The following SERPINF2 variants were observed in gnomAD, a reference collection of about 807,000 sequenced individuals.
The protein encoded by SERPINF2 is alpha-2-antiplasmin.
In SERPINF2, 15 loss-of-function variants were observed where a neutral mutation model predicts 45.0. That is an observed-to-expected ratio of 0.33 (90% confidence interval 0.22 to 0.51). SERPINF2 has a LOEUF of 0.51. SERPINF2 is among the 20% of genes least tolerant of loss of function. SERPINF2 has a pLI of 0.97. For missense variants in SERPINF2, 518 were observed against 637.4 expected (o/e 0.81, Z 2.02); for synonymous variants, 283 against 277.9 (o/e 1.02, Z -0.18).
chr17:1,745,108 G>A lies in SERPINF2; in HGVS notation c.63+50G>A. ...GGGGTGGGGTGGAGGGGGAAGAAGA[G>A]GGGCGTTGGCATGGAGGGAGGGCTT... On this transcript the variant is annotated intron_variant, in intron 2 of 9. Coordinates refer to ENST00000453066, the MANE Select transcript of SERPINF2 (RefSeq NM_000934.4). The surrounding 1 kb of genome is among the most constrained non-coding windows in gnomAD (Gnocchi z 6.2). 6.2e-7 allele frequency: 1 copy of A among 1,607,026 alleles called. No individual in the cohort carries two copies. Among genetic ancestry groups the A allele is most frequent in the Non-Finnish European group, 8.5e-7 (1 of 1,177,728 alleles).
At chr17:1,746,017 T>C (rs904640687) in intron 5 of SERPINF2, 108 bp downstream of exon 5, 66 of 1,240,838 alleles carry the variant, frequency 5.3e-5, no homozygotes, top group Non-Finnish European at 7.0e-5. Flanking sequence ...ACGTGGCTGT[T>C]TGGTAAAAAT....
chr17:1,744,709 A>G (rs1354942159), intron 1 of SERPINF2: 1 of 985,256 alleles, frequency 1.0e-6, no homozygotes, highest in Non-Finnish European at 1.2e-6. Flanking sequence ...AACGTTTTTG[A>G]TTTGGTATCT....
Position 1,747,161 on chromosome 17 carries a change from A to C in SERPINF2, c.510A>C (p.Lys170Asn). The change falls in exon 6 of 10, where the codon AAA (lysine) becomes AAC (asparagine). Residue 170 changes from lysine to asparagine, a missense_variant and splice_region_variant. Around this residue, in one of 2 missense-constraint regions of SERPINF2, gnomAD observed 435 missense variants for 577.3 expected, o/e 0.75. Transcript: ENST00000453066. ...TGGCTGCCAGGATGTACCTGCAGAA[A>C]GGTAGGCGCTGATGGCAGGGAGCTC... The part of the protein sequence containing the change: ...FRLAARMYLQ[K>N]GFPIKEDFLE... 1 of 1,612,252 alleles carries C rather than the reference A, an allele frequency of 6.2e-7. No homozygotes were observed. The highest frequency in any genetic ancestry group is 8.5e-7 in the Non-Finnish European group (1 of 1,179,970).
In SERPINF2 at chr17:1,754,627, G is replaced by T; in HGVS notation, c.*93G>T. On this transcript the variant is annotated 3_prime_UTR_variant, in exon 10 of 10. Transcript: ENST00000453066. The stretch of plus-strand genomic sequence containing the variant: ...ACCGGCTTTGTGGCACTGGGGCAGG[G>T]GCCGGGGGCAGTCTGAGAGAGGCCA... 6.7e-7 allele frequency: 1 copy of T among 1,490,856 alleles called. No individual in the cohort carries two copies. Among genetic ancestry groups the T allele is most frequent in the East Asian group, 2.3e-5 (1 of 44,004 alleles). 92.4% of individuals were successfully genotyped at this position (1,490,856 alleles called of 1,614,324 possible). A position where few individuals can be genotyped will look rare whatever the true frequency, so the allele number is the denominator to read the frequency against.
intron 8 of SERPINF2, among the ~76,000 whole-genome samples, chr17:1,752,052 G>GTT (rs141617641): frequency 7.3e-6 from 1 of 136,944 alleles, no homozygotes; most frequent in Admixed American, 7.3e-5. Context: ...CTACAATGTT[G>GTT]TTTTTTTTCT....
chr17:1,751,322 G>T (rs560434851), intron 8 of SERPINF2, among the ~76,000 whole-genome samples: 6 of 152,052 alleles, frequency 3.9e-5, no homozygotes, highest in African/African-American at 1.4e-4. Flanking sequence ...GATGGTGAGC[G>T]CCTGTAGTCC....
chr17:1,745,045 G>A lies in SERPINF2; in HGVS notation c.50G>A (p.Gly17Asp). Reference sequence around the variant, plus strand: ...GTGCTCAGCTGGTCCTGCCTGCAAGGCCCCTGCTCCGTGGTGAGGCTGGGC... The same window carrying A: ...GTGCTCAGCTGGTCCTGCCTGCAAGACCCCTGCTCCGTGGTGAGGCTGGGC... The part of the protein sequence containing the change: ...LLVLSWSCLQ[G>D]PCSVFSPVSA... Residue 17 changes from glycine to aspartate, a missense_variant, in exon 2 of 10, where the codon GGC (glycine) becomes GAC (aspartate). By Grantham distance (94) the Gly-to-Asp change is moderately conservative. This residue lies in a region of SERPINF2 where 435 missense variants were observed against 577.3 expected (regional missense o/e 0.75). Coordinates refer to ENST00000453066, the MANE Select transcript of SERPINF2 (RefSeq NM_000934.4). The surrounding 1 kb of genome is among the most constrained non-coding windows in gnomAD (Gnocchi z 6.2). 1 of 1,613,474 alleles carries A rather than the reference G, an allele frequency of 6.2e-7. No homozygotes were observed. Among genetic ancestry groups the A allele is most frequent in the Non-Finnish European group, 8.5e-7 (1 of 1,179,990 alleles).
rs1351261936 is a variant in SERPINF2, at chr17:1,754,327, C to A, written c.1269C>A (p.Thr423=). ...RPFLFFIFED[T]TGLPLFVGSV... ...TCCTCTTCTTCATCTTCGAGGACAC[C>A]ACAGGCCTTCCCCTCTTCGTGGGCA... is the stretch of plus-strand genomic sequence containing the variant. Residue 423 remains threonine, a synonymous_variant, in exon 10 of 10, where the codon ACC becomes ACA. Coordinates refer to ENST00000453066, the MANE Select transcript of SERPINF2 (RefSeq NM_000934.4). 6.2e-7 allele frequency: 1 copy of A among 1,614,074 alleles called. No individual in the cohort carries two copies. The highest frequency in any genetic ancestry group is 8.5e-7 in the Non-Finnish European group (1 of 1,180,038).
rs1312210715 is a variant in SERPINF2 at position 1,747,024 on chromosome 17, C to T, written c.373C>T (p.Gln125Ter). ...LALSHLALGAQNHTLQRLQQV... is the reference protein window; with the variant it reads ...LALSHLALGA ...GCCTGTGCGGTGCCCTCCAGGTGCT[C>T]AGAACCACACGTTGCAGAGGCTGCA... is the stretch of plus-strand genomic sequence containing the variant. Residue 125 changes from glutamine (Q) to a stop codon, truncating the protein, a stop_gained, in exon 6 of 10, where the codon CAG becomes TAG. Coordinates refer to ENST00000453066, the MANE Select transcript of SERPINF2 (RefSeq NM_000934.4). LOFTEE classifies it high-confidence loss of function. 1 of 1,605,854 alleles carries T rather than the reference C, an allele frequency of 6.2e-7. No individual in the cohort carries two copies. Among genetic ancestry groups the T allele is most frequent in the Non-Finnish European group, 8.5e-7 (1 of 1,179,820 alleles).
intron 8 of SERPINF2, among the ~76,000 whole-genome samples, chr17:1,750,677 T>A (rs1043045985): frequency 3.3e-5 from 5 of 152,094 alleles, no homozygotes; most frequent in South Asian, 4.1e-4. Context: ...TGGGTATTGA[T>A]CCCCGGGCCA....
chr17:1,747,044 G>C lies in SERPINF2; in HGVS notation c.393G>C (p.Arg131Ser). ...ALGAQNHTLQ[R>S]LQQVLHAGSG... ...GTGCTCAGAACCACACGTTGCAGAG[G>C]CTGCAACAGGTGCTGCACGCAGGCT... Residue 131 changes from arginine (R) to serine (S), a missense_variant, in exon 6 of 10, where the codon AGG becomes AGC. Arg to Ser is a moderately radical substitution (Grantham distance 110). This residue lies in a region of SERPINF2 where 435 missense variants were observed against 577.3 expected (regional missense o/e 0.75). Transcript: ENST00000453066. 6.2e-7 allele frequency: 1 copy of C among 1,607,198 alleles called. No individual in the cohort carries two copies. Among genetic ancestry groups the C allele is most frequent in the African/African-American group, 1.3e-5 (1 of 75,000 alleles).
intron 6 of SERPINF2, 32 bp from the exon 7 acceptor site, chr17:1,747,277 C>T (rs779451717): frequency 6.2e-7 from 1 of 1,612,362 alleles, no homozygotes; most frequent in East Asian, 2.2e-5. Context: ...GAGCCTGGAG[C>T]CCTGGGAACA....
chr17:1,746,501 A>G (rs1373423733), intron 5 of SERPINF2, among the ~76,000 whole-genome samples: 1 of 146,286 alleles, frequency 6.8e-6, no homozygotes, highest in African/African-American at 2.5e-5. Flanking sequence ...ATCTCAGCTC[A>G]CTGCAACCTC....
At chr17:1,746,395 G>A (rs544339574) in intron 5 of SERPINF2, among the ~76,000 whole-genome samples, 5 of 151,962 alleles carry the variant, frequency 3.3e-5, no homozygotes, top group South Asian at 4.2e-4. Flanking sequence ...GGACTGGGCC[G>A]GGGAATCTGC....
chr17:1,746,924 A>G, intron 5 of SERPINF2, 95 bp from the exon 6 acceptor site: 1 of 1,473,222 alleles, frequency 6.8e-7, no homozygotes, highest in Non-Finnish European at 9.2e-7. Context: ...GGTCCCGTGG[A>G]CGTCCTCGTC....
chr17:1,745,012 G>A lies in SERPINF2; in HGVS notation c.17G>A (p.Gly6Glu), dbSNP rs1390108134. 4 of 1,613,852 alleles carry A rather than the reference G, an allele frequency of 2.5e-6. No homozygotes were observed. In the South Asian group the frequency reaches 3.3e-5, roughly 13 times the overall value. The change falls in exon 2 of 10, where the codon GGG becomes GAG. Residue 6 changes from glycine (G) to glutamate (E), a missense_variant. Coordinates refer to ENST00000453066, the MANE Select transcript of SERPINF2 (RefSeq NM_000934.4). This position sits in a 1 kb window ranked among gnomAD's most constrained non-coding sequence, Gnocchi z 6.2. MALLW[G>E]LLVLSWSCLQ... ...CACAGGAACATGGCGCTGCTCTGGG[G>A]GCTCCTGGTGCTCAGCTGGTCCTGC...
Position 1,752,787 on chromosome 17 carries a change from C to A in SERPINF2, c.1060C>A (p.Leu354Met). The change falls in exon 9 of 10, where the codon CTG (leucine) becomes ATG (methionine). Residue 354 changes from leucine to methionine, a missense_variant. This residue lies in a region of SERPINF2 where 435 missense variants were observed against 577.3 expected (regional missense o/e 0.75). Transcript: ENST00000453066. ...GGACCTGGTGGCCACCCTCAGCCAG[C>A]TGGGTAAGGAGGAGGGTGCGGGCGA... ...QMDLVATLSQ[L>M]GLQELFQAPD... The A allele has an allele frequency of 6.2e-7, 1 of 1,607,760 alleles. No homozygotes were observed. The highest frequency in any genetic ancestry group is 8.5e-7 in the Non-Finnish European group (1 of 1,177,394).
Position 1,745,542 on chromosome 17 carries a change from TG to T in SERPINF2, c.165+150del. On this transcript the variant is annotated intron_variant, in intron 4 of 9. Transcript: ENST00000453066. The surrounding 1 kb of genome is among the most constrained non-coding windows in gnomAD (Gnocchi z 6.2). ...GAGAGAGGGTGGGGAGGACCGAAGG[TG>T]GGCGCCAGGCCCCAGAATGCCAGTG... 8.3e-7 allele frequency: 1 copy of T among 1,200,406 alleles called. No individual in the cohort carries two copies. Among genetic ancestry groups the T allele is most frequent in the Non-Finnish European group, 1.2e-6 (1 of 840,866 alleles). The allele number at this position is 1,200,406 out of a possible 1,614,324, so 74.4% of individuals were successfully genotyped here. A position where few individuals can be genotyped will look rare whatever the true frequency, so the allele number is the denominator to read the frequency against.
At position 1,754,417 on chromosome 17, in the gene SERPINF2, C is replaced by A. The variant is rs763797030; in HGVS notation, c.1359C>A (p.Asn453Lys). ...ELKEQQDSPGNKDFLQSLKGF... is the reference protein window; with the variant it reads ...ELKEQQDSPGKKDFLQSLKGF... Reference sequence around the variant, plus strand: ...AGGAACAGCAGGATTCCCCGGGCAACAAGGACTTCCTCCAGAGCCTGAAAG... The same window carrying A: ...AGGAACAGCAGGATTCCCCGGGCAAAAAGGACTTCCTCCAGAGCCTGAAAG... Residue 453 changes from asparagine to lysine, a missense_variant, in exon 10 of 10, where the codon AAC becomes AAA. Around this residue, in one of 2 missense-constraint regions of SERPINF2, gnomAD observed 83 missense variants for 60.0 expected, o/e 1.38. Transcript: ENST00000453066. 6.2e-7 allele frequency: 1 copy of A among 1,613,120 alleles called. No individual in the cohort carries two copies. The highest frequency in any genetic ancestry group is 8.5e-7 in the Non-Finnish European group (1 of 1,179,240).
Sources: gnomAD v4.1 joint callset for allele counts (sites outside exome capture counted in the v4.1 genomes callset) on GRCh38, gnomAD v4.1.1 for gene constraint, gnomAD v4.1.1 regional missense constraint, Gnocchi (gnomAD v3.1) non-coding constraint, MANE v1.5 for transcripts, NCBI Gene and HGNC (gene_info 2026-07-23, HGNC 2026-07-21) for gene names.